The following COX7B variants were observed in gnomAD, a reference collection of about 807,000 sequenced individuals.
COX7B encodes the protein cytochrome c oxidase subunit 7B, mitochondrial.
COX7B carries 2 observed loss-of-function variants against 7.9 expected under a neutral mutation model. The ratio of observed to expected loss-of-function variants is 0.25; its 90% CI spans 0.10 to 0.79. The LOEUF (loss-of-function observed/expected upper bound fraction) is 0.79, where lower values mean the gene tolerates loss of function less well. Ranked by LOEUF, COX7B falls within the 30% of genes least tolerant of loss-of-function variation. The probability of loss-of-function intolerance (pLI) is 0.69; values close to 1 mark genes in which losing one functional copy is unlikely to be tolerated. For missense variants in COX7B, 54 were observed against 62.7 expected, an observed-to-expected ratio of 0.86 and a Z score of 0.47; for synonymous variants, 19 against 21.1, an observed-to-expected ratio of 0.90 and a Z score of 0.27.
chrX:77,900,366 G>A (rs1202026769), intron 1 of COX7B, among the ~76,000 whole-genome samples: 1 of 112,112 alleles, frequency 8.9e-6, no homozygotes, highest in East Asian at 2.8e-4. Flanking sequence ...ACTCCGTCTC[G>A]AAAACAAAAA....
At chrX:77,904,843 A>T (rs1347602624) in intron 2 of COX7B, among the ~76,000 whole-genome samples, 1 of 111,653 alleles carries the variant, frequency 9.0e-6, no homozygotes, top group African/African-American at 3.3e-5. Flanking sequence ...TAGAAATGTG[A>T]AGTATAAATT....
chrX:77,902,558 C>T (rs1557220713), intron 1 of COX7B, 85 bp from the exon 2 acceptor site: 2 of 1,020,130 alleles, frequency 2.0e-6, no homozygotes, highest in Admixed American at 2.5e-5. Context: ...CTTGGCTTTC[C>T]TGATTGGCAG....
Position 77,899,500 on chromosome X carries a change from G to A in COX7B, c.-54G>A, listed in dbSNP as rs1184582569. 1 of 1,191,026 alleles carries A rather than the reference G, an allele frequency of 8.4e-7. No homozygotes were observed. Among genetic ancestry groups the A allele is most frequent in the African/African-American group, 1.8e-5 (1 of 56,774 alleles). On this transcript the variant is annotated 5_prime_UTR_variant, in exon 1 of 3. Transcript: ENST00000650309. ...AGCTCACTTCAAGGGTACCTGAAGC[G>A]AATTGGCACCAAAGCAGCAGCTGTA...
chrX:77,905,441 G>T lies in COX7B; in HGVS notation c.*180G>T, dbSNP rs2077131954. 4.7e-4 allele frequency: 70 copies of T among 149,475 alleles called. No homozygotes were observed. Among genetic ancestry groups the T allele is most frequent in the South Asian group, 8.1e-4 (5 of 6,135 alleles). The allele number at this position is 149,475 out of a possible 1,213,427, so 12.3% of individuals were successfully genotyped here. A position where few individuals can be genotyped will look rare whatever the true frequency, so the allele number is the denominator to read the frequency against. ...TAAGCTTGATCACTTTAGCCTTTAT[G>T]TTAATATTAAAGTCAAATGCTGTGC... On this transcript the variant is annotated 3_prime_UTR_variant, in exon 3 of 3. Transcript: ENST00000650309.
At position 77,899,483 on chromosome X, in the gene COX7B, T is replaced by G. The variant is rs1408644197; in HGVS notation, c.-71T>G. The G allele has an allele frequency of 1.4e-5, 16 of 1,143,240 alleles. No individual in the cohort carries two copies. The East Asian group carries it at 4.5e-4, about 32-fold the overall frequency. 94.2% of individuals were successfully genotyped at this position (1,143,240 alleles called of 1,213,427 possible). A position where few individuals can be genotyped will look rare whatever the true frequency, so the allele number is the denominator to read the frequency against. On this transcript the variant is annotated 5_prime_UTR_variant, in exon 1 of 3. Transcript: ENST00000650309. ...AAGCCATTTTGTTTTTCAGCTCACT[T>G]CAAGGGTACCTGAAGCGAATTGGCA...
At chrX:77,902,077 G>GT (rs782286263) in intron 1 of COX7B, among the ~76,000 whole-genome samples, 1 of 111,684 alleles carries the variant, frequency 9.0e-6, no homozygotes, top group Non-Finnish European at 1.9e-5. Context: ...GTTGTGGCGA[G>GT]TTTTTTTGTT....
Position 77,899,596 on chromosome X carries a change from G to A in COX7B, c.40+3G>A, listed in dbSNP as rs1557220471. 3 of 1,209,219 alleles carry A rather than the reference G, an allele frequency of 2.5e-6. No individual in the cohort carries two copies. The stretch of plus-strand genomic sequence containing the variant: ...AAGCGCACTAAATCGTCTCCAAGGT[G>A]AGCAAAAATTATGACAAATCATTTA... On this transcript the variant is annotated splice_donor_region_variant and intron_variant, in intron 1 of 2. Coordinates refer to ENST00000650309, the MANE Select transcript of COX7B (RefSeq NM_001866.3).
At chrX:77,904,744 TG>T (rs1200754530) in intron 2 of COX7B, among the ~76,000 whole-genome samples, 1 of 111,272 alleles carries the variant, frequency 9.0e-6, no homozygotes, top group African/African-American at 3.3e-5. Context: ...GGAGGTGAAA[TG>T]TTCCTTAGTG....
chrX:77,902,699 T>C lies in COX7B; in HGVS notation c.97T>C (p.Phe33Leu), dbSNP rs2077123722. 8.3e-7 allele frequency: 1 copy of C among 1,207,767 alleles called. No homozygotes were observed. The highest frequency in any genetic ancestry group is 1.7e-5 in the African/African-American group (1 of 57,278). The stretch of plus-strand genomic sequence containing the variant: ...GAGCCACCAGAAACGTACACCTGAT[T>C]TTCATGACAAATACGGTAATGCTGT... ...RQSHQKRTPD[F>L]HDKYGNAVLA... Residue 33 changes from phenylalanine to leucine, a missense_variant, in exon 2 of 3, where the codon TTT becomes CTT. Coordinates refer to ENST00000650309, the MANE Select transcript of COX7B (RefSeq NM_001866.3).
chrX:77,901,460 A>AT (rs1490690407), intron 1 of COX7B, among the ~76,000 whole-genome samples: 1 of 109,285 alleles, frequency 9.2e-6, no homozygotes, highest in Non-Finnish European at 1.9e-5. Context: ...AAAAAAAAAA[A>AT]CAGCTAGAAA....
intron 2 of COX7B, chrX:77,903,247 T>G (rs1382591350): frequency 1.0e-5 from 1 of 99,801 alleles, no homozygotes; most frequent in African/African-American, 3.8e-5. Flanking sequence ...CAGGCTGGAG[T>G]GCAGTGGCGC....
Position 77,906,629 on chromosome X carries a change from CTTTG to C in COX7B, c.*1372_*1375del, listed in dbSNP as rs1244965767. On this transcript the variant is annotated 3_prime_UTR_variant, in exon 3 of 3. Transcript: ENST00000650309. ...AGAGCAATATCTGTACCACATATTT[CTTTG>C]TTTTTCTTTTTTGAGATGAAGTCTC... 1.8e-5 allele frequency: 2 copies of C among 111,362 alleles called. No individual in the cohort carries two copies. The highest frequency in any genetic ancestry group is 1.9e-4 in the Admixed American group (2 of 10,447). 9.2% of individuals were successfully genotyped at this position (111,362 alleles called of 1,213,427 possible).
chrX:77,899,691 T>G, intron 1 of COX7B, 98 bp downstream of exon 1: 1 of 796,557 alleles, frequency 1.3e-6, no homozygotes, highest in Non-Finnish European at 1.9e-6. Context: ...CTCGGCCTTC[T>G]AATCTTGAAT....
intron 2 of COX7B, among the ~76,000 whole-genome samples, chrX:77,903,792 C>T (rs1001391728): frequency 8.1e-5 from 9 of 111,024 alleles, no homozygotes; most frequent in Admixed American, 6.8e-4. Context: ...GCACAGTATT[C>T]GTGACAGATG....
rs886965040 is a variant in COX7B at position 77,899,722 on chromosome X, T to C, written c.40+129T>C. 1.5e-5 allele frequency: 9 copies of C among 618,302 alleles called. No homozygotes were observed. The African/African-American group carries it at 1.8e-4, about 12-fold the overall frequency. 51.0% of individuals were successfully genotyped at this position (618,302 alleles called of 1,213,427 possible). A position where few individuals can be genotyped will look rare whatever the true frequency, so the allele number is the denominator to read the frequency against. On this transcript the variant is annotated intron_variant, in intron 1 of 2. Coordinates refer to ENST00000650309, the MANE Select transcript of COX7B (RefSeq NM_001866.3). The stretch of plus-strand genomic sequence containing the variant: ...TGAATGCTGTCTGTCTCCCATCTCG[T>C]CCCAAGTCATTGGGATGATGTCCTT...
rs1557221035 is a variant in COX7B at position 77,905,302 on chromosome X, C to T, written c.*41C>T. 1 of 1,030,957 alleles carries T rather than the reference C, an allele frequency of 9.7e-7. No individual in the cohort carries two copies. The highest frequency in any genetic ancestry group is 1.9e-5 in the South Asian group (1 of 52,601). 85.0% of individuals were successfully genotyped at this position (1,030,957 alleles called of 1,213,427 possible). ...TAATAATGAATTGTTTAAAAAACAG[C>T]TCATAATTGATGCCAAATTAAAGCA... On this transcript the variant is annotated 3_prime_UTR_variant, in exon 3 of 3. Transcript: ENST00000650309.
chrX:77,904,901 T>C (rs2077130097), intron 2 of COX7B, among the ~76,000 whole-genome samples: 2 of 112,060 alleles, frequency 1.8e-5, no homozygotes, highest in Non-Finnish European at 3.8e-5. Flanking sequence ...ATACTAGTCA[T>C]ATTCCAGGTG....
intron 1 of COX7B, among the ~76,000 whole-genome samples, chrX:77,902,064 C>G (rs2077121764): frequency 9.0e-6 from 1 of 111,634 alleles, no homozygotes; most frequent in Non-Finnish European, 1.9e-5. Flanking sequence ...CAAGATTACT[C>G]TAGTTGTGGC....
chrX:77,900,043 C>T (rs2077116578), intron 1 of COX7B, among the ~76,000 whole-genome samples: 1 of 111,972 alleles, frequency 8.9e-6, no homozygotes. Context: ...CAAATGGTAT[C>T]GATGCAGCTT....
Sources: gnomAD v4.1 joint callset for allele counts (sites outside exome capture counted in the v4.1 genomes callset) on GRCh38, gnomAD v4.1.1 for gene constraint, MANE v1.5 for transcripts, NCBI Gene and HGNC (gene_info 2026-07-23, HGNC 2026-07-21) for gene names.